The following SLC44A5 variants were observed in gnomAD, a reference collection of about 807,000 sequenced individuals.
SLC44A5 encodes the protein solute carrier family 44 member 5, also known as choline transporter-like protein 5.
In SLC44A5, 57 loss-of-function variants were observed where a neutral mutation model predicts 101.8. The ratio of observed to expected loss-of-function variants is 0.56; its 90% CI spans 0.45 to 0.70. The LOEUF (loss-of-function observed/expected upper bound fraction) is 0.70, where lower values mean the gene tolerates loss of function less well. SLC44A5 is among the 30% of genes least tolerant of loss of function. The pLI is 0.00. For missense variants in SLC44A5, 737 were observed against 853.1 expected (o/e 0.86, Z 1.70); for synonymous variants, 281 against 290.9 (o/e 0.97, Z 0.35).
intron 16 of SLC44A5, 64 bp from the exon 17 acceptor site, chr1:75,218,816 T>C: frequency 6.8e-7 from 1 of 1,462,004 alleles, no homozygotes; most frequent in Non-Finnish European, 9.2e-7. Flanking sequence ...AACAACTCCC[T>C]GTGTTTTCCT....
intron 6 of SLC44A5, among the ~76,000 whole-genome samples, chr1:75,266,398 A>G (rs1298401416): frequency 6.6e-6 from 1 of 151,746 alleles, no homozygotes; most frequent in Non-Finnish European, 1.5e-5. Flanking sequence ...TTTACAAGCT[A>G]TGCTATGTTT....
intron 2 of SLC44A5, among the ~76,000 whole-genome samples, chr1:75,490,800 A>G (rs1184577198): frequency 6.6e-6 from 1 of 152,216 alleles, no homozygotes; most frequent in African/African-American, 2.4e-5. Context: ...GGAGAGACAC[A>G]TTCAAGAACA....
intron 2 of SLC44A5, among the ~76,000 whole-genome samples, chr1:75,413,597 C>A (rs1663423491): frequency 6.6e-6 from 1 of 152,078 alleles, no homozygotes; most frequent in Non-Finnish European, 1.5e-5. Context: ...ATGTGAGGTG[C>A]TCAATAAATA....
chr1:75,328,988 G>T (rs76438538), intron 4 of SLC44A5, among the ~76,000 whole-genome samples: 1,676 of 152,308 alleles, frequency 0.011, 23 homozygotes, highest in South Asian at 0.047. Context: ...AATGGAGGGT[G>T]TGAGGAGAAA....
chr1:75,343,243 T>A (rs116754661), intron 3 of SLC44A5, among the ~76,000 whole-genome samples: 9 of 152,152 alleles, frequency 5.9e-5, no homozygotes, highest in Non-Finnish European at 1.2e-4. Flanking sequence ...CAACAGTAAA[T>A]TTAGAATCAT....
intron 7 of SLC44A5, among the ~76,000 whole-genome samples, chr1:75,246,228 G>C (rs1649098472): frequency 6.6e-6 from 1 of 152,002 alleles, no homozygotes; most frequent in Non-Finnish European, 1.5e-5. Context: ...TACATTGAAG[G>C]TTAAAACACC....
chr1:75,411,005 A>T (rs992599385), intron 2 of SLC44A5, among the ~76,000 whole-genome samples: 12 of 152,058 alleles, frequency 7.9e-5, no homozygotes, highest in African/African-American at 2.4e-4. Context: ...TCATAGTAAG[A>T]CATGGGGAAA....
intron 3 of SLC44A5, among the ~76,000 whole-genome samples, chr1:75,383,504 G>C (rs556761427): frequency 6.6e-6 from 1 of 152,142 alleles, no homozygotes; most frequent in South Asian, 2.1e-4. Context: ...GAAGTTTAGA[G>C]AAAAAAGAAT....
chr1:75,401,776 A>G (rs951421813), intron 2 of SLC44A5, among the ~76,000 whole-genome samples: 16 of 152,096 alleles, frequency 1.1e-4, no homozygotes, highest in African/African-American at 3.9e-4. Context: ...GCTGAGTATC[A>G]CCTGTAACCT....
At chr1:75,637,860 C>T in the SLC44A5 span, among the ~76,000 whole-genome samples, 1 of 151,958 alleles carries the variant, frequency 6.6e-6, no homozygotes, top group African/African-American at 2.4e-5. Context: ...TTTAAAAGGA[C>T]TATCCATGAG....
At chr1:75,648,000 A>G in the SLC44A5 span, among the ~76,000 whole-genome samples, 3 of 152,180 alleles carry the variant, frequency 2.0e-5, no homozygotes, top group African/African-American at 7.2e-5. Context: ...AAGATTTGGG[A>G]TGAGCCAGGA....
Position 75,214,008 on chromosome 1 carries a change from GA to G in SLC44A5, c.1803-20del. 6.8e-7 allele frequency: 1 copy of G among 1,468,580 alleles called. No homozygotes were observed. The highest frequency in any genetic ancestry group is 1.2e-5 in the South Asian group (1 of 81,464). 91.0% of individuals were successfully genotyped at this position (1,468,580 alleles called of 1,614,324 possible). A position where few individuals can be genotyped will look rare whatever the true frequency, so the allele number is the denominator to read the frequency against. On this transcript the variant is annotated intron_variant, in intron 20 of 23. Coordinates refer to ENST00000370859, the MANE Select transcript of SLC44A5 (RefSeq NM_001130058.2). ...TGCAACTCTGAGTATCAGAAAAAAA[GA>G]AAGTATAATTCTGTGTTTAAAATAT...
chr1:75,275,071 T>C, intron 5 of SLC44A5, 29 bp from the exon 6 acceptor site: 1 of 1,588,266 alleles, frequency 6.3e-7, no homozygotes, highest in Non-Finnish European at 8.6e-7. Context: ...ACAAATATGC[T>C]ATCAGCAAAA....
At chr1:75,654,041 C>G in the SLC44A5 span, among the ~76,000 whole-genome samples, 1 of 152,180 alleles carries the variant, frequency 6.6e-6, no homozygotes, top group Non-Finnish European at 1.5e-5. Context: ...AAATGGATAG[C>G]ATTCAGGTGC....
chr1:75,444,354 A>AAGGG (rs141035503), intron 2 of SLC44A5, among the ~76,000 whole-genome samples: 4 of 131,048 alleles, frequency 3.1e-5, no homozygotes, highest in African/African-American at 8.3e-5. Context: ...GGAAGGAAGG[A>AAGGG]AGGGAGGGAG....
chr1:75,252,333 T>G (rs1215113161), intron 6 of SLC44A5, among the ~76,000 whole-genome samples: 1 of 152,226 alleles, frequency 6.6e-6, no homozygotes, highest in Non-Finnish European at 1.5e-5. Context: ...AGCAATATTT[T>G]TCCTACCACT....
At chr1:75,566,756 T>G (rs937189617) in intron 1 of SLC44A5, among the ~76,000 whole-genome samples, 1 of 152,208 alleles carries the variant, frequency 6.6e-6, no homozygotes, top group African/African-American at 2.4e-5. Context: ...CGTAAATAAA[T>G]GGTCTTTACA....
chr1:75,409,459 G>T (rs12133162), intron 2 of SLC44A5, among the ~76,000 whole-genome samples: 1,621 of 152,180 alleles, frequency 0.011, 13 homozygotes, highest in Middle Eastern at 0.034. Context: ...AAGAGACAGG[G>T]TCTTGTTGTT....
At chr1:75,398,811 C>A (rs116490151) in intron 2 of SLC44A5, among the ~76,000 whole-genome samples, 2,731 of 152,126 alleles carry the variant, frequency 0.018, 70 homozygotes, top group African/African-American at 0.059. Flanking sequence ...GGAGAACATT[C>A]GTATCTTATG....
Sources: allele counts gnomAD v4.1 joint callset (sites outside exome capture counted in the v4.1 genomes callset), GRCh38; gene constraint gnomAD v4.1.1; transcripts MANE v1.5; gene names NCBI Gene and HGNC (gene_info 2026-07-23, HGNC 2026-07-21).